IL1RAPL2: variants seen among roughly 807,000 people sequenced by gnomAD.
IL1RAPL2 encodes the protein X-linked interleukin-1 receptor accessory protein-like 2.
IL1RAPL2 carries 3 observed loss-of-function variants against 44.1 expected under a neutral mutation model. That is an observed-to-expected ratio of 0.07 (90% CI 0.03 to 0.18). The LOEUF (loss-of-function observed/expected upper bound fraction) is 0.18, where lower values mean the gene tolerates loss of function less well. Ranked by LOEUF, IL1RAPL2 falls within the 10% of genes least tolerant of loss-of-function variation. The probability of loss-of-function intolerance (pLI) is 1.00; values close to 1 mark genes in which losing one functional copy is unlikely to be tolerated. For synonymous variants in IL1RAPL2, 181 were observed against 178.8 expected (o/e 1.01, Z -0.10); for missense variants, 391 against 496.4 (o/e 0.79, Z 2.02).
intron 2 of IL1RAPL2, among the ~76,000 whole-genome samples, chrX:105,146,263 T>C (rs1483021953): frequency 8.9e-6 from 1 of 111,760 alleles, no homozygotes; most frequent in Non-Finnish European, 1.9e-5. Context: ...CCATTCCTAC[T>C]GACCTTATGC....
rs1343206400 is a variant in IL1RAPL2, at chrX:104,838,852, T to TC, written c.82+179857_82+179858insC. Reference sequence around the variant, plus strand: ...CTTTCTTTCTTTCTTTCTTTCTTTTTTTTTTTTTTTTTTTTGAGGCAGAGT... The same window carrying TC: ...CTTTCTTTCTTTCTTTCTTTCTTTTTCTTTTTTTTTTTTTTTGAGGCAGAGT... On this transcript the variant is annotated intron_variant, in intron 2 of 10. Transcript: ENST00000372582. 3.2e-3 allele frequency among the ~76,000 whole-genome samples: 270 copies of TC among 83,526 alleles called. 2 individuals carry two copies. The highest frequency in any genetic ancestry group is 0.012 in the African/African-American group (255 of 20,873). 72.5% of individuals were successfully genotyped at this position (83,526 alleles called of 115,157 possible).
At chrX:104,724,221 A>G (rs1931741946) in intron 2 of IL1RAPL2, among the ~76,000 whole-genome samples, 1 of 111,370 alleles carries the variant, frequency 9.0e-6, no homozygotes, top group Admixed American at 9.6e-5. Flanking sequence ...TAAACTGATA[A>G]ATAGTCTGAG....
chrX:105,448,727 CTTCT>C (rs1341081372), intron 5 of IL1RAPL2, among the ~76,000 whole-genome samples: 1 of 110,611 alleles, frequency 9.0e-6, no homozygotes, highest in African/African-American at 3.3e-5. Context: ...TGTAGGTGTG[CTTCT>C]TTGTTTTTTT....
chrX:105,108,494 A>ATTTTTTTTT (rs71816209), intron 2 of IL1RAPL2, among the ~76,000 whole-genome samples: 5 of 73,636 alleles, frequency 6.8e-5, no homozygotes, highest in Non-Finnish European at 7.3e-5. Flanking sequence ...CCATGCCCGG[A>ATTTTTTTTT]TTTTTTTTTT....
intron 2 of IL1RAPL2, among the ~76,000 whole-genome samples, chrX:104,861,549 C>T (rs1224617905): frequency 9.0e-6 from 1 of 111,224 alleles, no homozygotes; most frequent in Admixed American, 9.6e-5. Context: ...GCCATAACCC[C>T]ATTGTAAATT....
chrX:104,924,056 A>AC, intron 2 of IL1RAPL2, among the ~76,000 whole-genome samples: 1 of 108,875 alleles, frequency 9.2e-6, no homozygotes, highest in East Asian at 2.9e-4. Flanking sequence ...AAAAAAAAAA[A>AC]GACAAAGAAG....
rs1220121974 is a variant in IL1RAPL2, at chrX:105,753,019, C to T, written c.1193-2158C>T. On this transcript the variant is annotated intron_variant, in intron 9 of 10. Coordinates refer to ENST00000372582, the MANE Select transcript of IL1RAPL2 (RefSeq NM_017416.2). The stretch of plus-strand genomic sequence containing the variant: ...AATCCAGATGTGTTGGGTGTTAATA[C>T]GTACCAAGGACATGCATGCTCTTTG... The T allele has an allele frequency of 5.2e-5, 17 of 328,821 alleles. 1 individual carries two copies. In the East Asian group the frequency reaches 1.6e-3, roughly 30 times the overall value. 27.1% of individuals were successfully genotyped at this position (328,821 alleles called of 1,213,427 possible). A position where few individuals can be genotyped will look rare whatever the true frequency, so the allele number is the denominator to read the frequency against.
chrX:105,548,474 T>C (rs968454322), intron 6 of IL1RAPL2, among the ~76,000 whole-genome samples: 12 of 111,634 alleles, frequency 1.1e-4, no homozygotes, highest in African/African-American at 3.9e-4. Context: ...CTTTATTTGT[T>C]CCAAGCCAGT....
At chrX:105,205,541 G>C (rs1256707831) in intron 3 of IL1RAPL2, among the ~76,000 whole-genome samples, 1 of 86,173 alleles carries the variant, frequency 1.2e-5, no homozygotes, top group Admixed American at 1.6e-4. Context: ...AGTGAGCTGA[G>C]ACTGCGCCAC....
intron 5 of IL1RAPL2, among the ~76,000 whole-genome samples, chrX:105,303,194 A>G (rs769827417): frequency 4.5e-5 from 5 of 112,003 alleles, no homozygotes; most frequent in Non-Finnish European, 9.4e-5. Flanking sequence ...AAAACCAGGT[A>G]CTGTAATTGC....
intron 2 of IL1RAPL2, among the ~76,000 whole-genome samples, chrX:105,044,993 C>T (rs773004224): frequency 9.0e-6 from 1 of 111,494 alleles, no homozygotes; most frequent in South Asian, 3.7e-4. Flanking sequence ...GGACAGATAA[C>T]TCTAAGAGCA....
intron 6 of IL1RAPL2, among the ~76,000 whole-genome samples, chrX:105,575,022 C>G (rs2037040544): frequency 9.0e-6 from 1 of 111,644 alleles, no homozygotes; most frequent in Admixed American, 9.5e-5. Context: ...ACTAAATCTT[C>G]TGAATATATA....
intron 5 of IL1RAPL2, among the ~76,000 whole-genome samples, chrX:105,429,206 T>A (rs1228991353): frequency 9.0e-6 from 1 of 111,668 alleles, no homozygotes; most frequent in African/African-American, 3.3e-5. Context: ...TGATCAAAAA[T>A]TGTGAAAATT....
intron 2 of IL1RAPL2, among the ~76,000 whole-genome samples, chrX:105,055,386 A>G (rs765398157): frequency 5.1e-4 from 57 of 112,226 alleles, no homozygotes; most frequent in Admixed American, 5.7e-4. Flanking sequence ...GTTGGGGGAA[A>G]CACAAATATT....
intron 1 of IL1RAPL2, among the ~76,000 whole-genome samples, chrX:104,656,340 C>A (rs1451308041): frequency 8.9e-6 from 1 of 111,971 alleles, no homozygotes; most frequent in Non-Finnish European, 1.9e-5. Flanking sequence ...CTACACACTG[C>A]TTTAAATGTG....
intron 5 of IL1RAPL2, among the ~76,000 whole-genome samples, chrX:105,288,612 A>G (rs747313582): frequency 1.5e-3 from 171 of 111,354 alleles, no homozygotes; most frequent in South Asian, 4.1e-3. Context: ...AATCAACTTT[A>G]TTGAGGTATA....
chrX:104,915,783 A>T (rs918075875), intron 2 of IL1RAPL2, among the ~76,000 whole-genome samples: 5 of 111,908 alleles, frequency 4.5e-5, no homozygotes, highest in African/African-American at 6.5e-5. Flanking sequence ...AGCTTTCTAC[A>T]TATGGCTAGC....
In IL1RAPL2 at chrX:104,655,277, T is replaced by C. The variant is rs1286010240; in HGVS notation, c.-19-3618T>C. Reference sequence around the variant, plus strand: ...TTTTCAAAGGGAATGCTTCCAGTTTTTGCCCATTCAGTATGATATTGGCTG... The same window carrying C: ...TTTTCAAAGGGAATGCTTCCAGTTTCTGCCCATTCAGTATGATATTGGCTG... On this transcript the variant is annotated intron_variant, in intron 1 of 10. Coordinates refer to ENST00000372582, the MANE Select transcript of IL1RAPL2 (RefSeq NM_017416.2). Among the ~76,000 whole-genome samples the C allele has an allele frequency of 2.7e-5, 3 of 111,898 alleles. No individual in the cohort carries two copies. In the East Asian group the frequency reaches 8.5e-4, roughly 32 times the overall value.
At chrX:104,761,969 CTTCTTCTTCTTCT>C (rs1932464132) in intron 2 of IL1RAPL2, among the ~76,000 whole-genome samples, 1 of 97,581 alleles carries the variant, frequency 1.0e-5, no homozygotes, top group Non-Finnish European at 2.0e-5. Context: ...TCTTCTTCTT[CTTCTTCTTCTTCT>C]TCCTCCTCCT....
Sources: gnomAD v4.1 joint callset for allele counts (sites outside exome capture counted in the v4.1 genomes callset) on GRCh38, gnomAD v4.1.1 for gene constraint, MANE v1.5 for transcripts, NCBI Gene and HGNC (gene_info 2026-07-23, HGNC 2026-07-21) for gene names.